Variants in DLEU7 observed in about 807,000 individuals in gnomAD.
The protein encoded by DLEU7 is leukemia-associated protein 7.
DLEU7 carries 17 observed loss-of-function variants against 16.0 expected under a neutral mutation model. That is an observed-to-expected ratio of 1.06 (90% CI 0.73 to 1.59). The LOEUF (loss-of-function observed/expected upper bound fraction) is 1.59, where lower values mean the gene tolerates loss of function less well. DLEU7 is among the 40% of genes most tolerant of loss of function. The pLI is 0.00. For synonymous variants in DLEU7, 113 were observed against 139.8 expected, an observed-to-expected ratio of 0.81 and a Z score of 1.35; for missense variants, 308 against 314.9, an observed-to-expected ratio of 0.98 and a Z score of 0.17.
At chr13:50,745,591 G>A (rs1463106926) in intron 1 of DLEU7, among the ~76,000 whole-genome samples, 2 of 152,146 alleles carry the variant, frequency 1.3e-5, no homozygotes, top group African/African-American at 2.4e-5. Context: ...ATACACATTT[G>A]TGGTTGTTCT....
At chr13:50,780,858 A>G (rs74078412) in intron 1 of DLEU7, among the ~76,000 whole-genome samples, 2,973 of 152,194 alleles carry the variant, frequency 0.02, 100 homozygotes, top group African/African-American at 0.067. Context: ...GGGAGTCAGT[A>G]AGTGTGATAT....
intron 1 of DLEU7, among the ~76,000 whole-genome samples, chr13:50,741,171 A>G (rs1448220166): frequency 6.6e-6 from 1 of 152,188 alleles, no homozygotes; most frequent in Non-Finnish European, 1.5e-5. Flanking sequence ...TTGTAGAATT[A>G]TTTTGTTTTC....
chr13:50,760,524 GCTAA>G (rs2137744514), intron 1 of DLEU7, among the ~76,000 whole-genome samples: 1 of 152,152 alleles, frequency 6.6e-6, no homozygotes, highest in Admixed American at 6.5e-5. Flanking sequence ...ACCAGGTCTG[GCTAA>G]CTTTTGTATT....
chr13:50,805,877 G>T (rs1023389027), intron 1 of DLEU7, among the ~76,000 whole-genome samples: 2 of 152,150 alleles, frequency 1.3e-5, no homozygotes, highest in Non-Finnish European at 2.9e-5. Flanking sequence ...ATGCCCATTT[G>T]TTTATTGTAC....
chr13:50,820,833 G>T (rs1156847643), downstream of DLEU7, among the ~76,000 whole-genome samples: 3 of 151,894 alleles, frequency 2.0e-5, no homozygotes, highest in African/African-American at 7.3e-5. Flanking sequence ...TAATTTTAGT[G>T]GTATATTTTA....
intron 1 of DLEU7, among the ~76,000 whole-genome samples, chr13:50,770,395 A>G (rs1196360620): frequency 2.6e-5 from 4 of 152,132 alleles, no homozygotes; most frequent in African/African-American, 4.8e-5. Context: ...TCAGTATGAT[A>G]TTGGCTGTGG....
At chr13:50,725,703 C>G (rs529490402) in intron 1 of DLEU7, among the ~76,000 whole-genome samples, 395 of 152,186 alleles carry the variant, frequency 2.6e-3, no homozygotes, top group African/African-American at 9.0e-3. Context: ...AAGGAGACGC[C>G]GTGTCCACCT....
At chr13:50,722,518 TCTG>T (rs1231230425) in intron 1 of DLEU7, among the ~76,000 whole-genome samples, 1 of 152,258 alleles carries the variant, frequency 6.6e-6, no homozygotes, top group Non-Finnish European at 1.5e-5. Flanking sequence ...GTATTATTTT[TCTG>T]CTTATTTACA....
At chr13:50,790,054 T>C (rs1000752973) in intron 1 of DLEU7, among the ~76,000 whole-genome samples, 3 of 151,128 alleles carry the variant, frequency 2.0e-5, no homozygotes, top group African/African-American at 7.3e-5. Flanking sequence ...TGCCTCAGCC[T>C]CCCAAGTAGC....
At position 50,843,520 on chromosome 13, in the gene DLEU7, G is replaced by T. The variant is rs117596350; in HGVS notation, c.127C>A (p.Pro43Thr). The change falls in exon 1 of 2, where the codon CCA becomes ACA. Residue 43 changes from proline (P) to threonine (T), a missense_variant. Coordinates refer to ENST00000504404, the MANE Select transcript of DLEU7 (RefSeq NM_001306135.2). This position sits in a 1 kb window ranked among gnomAD's most constrained non-coding sequence, Gnocchi z 5.7. ...GPVAPGNPRD[P>T]DHVSTAPARR... ...GCTGGAGCGGTGGACACGTGGTCTG[G>T]GTCCCGCGGGTTCCCGGGGGCGACT... 2.5e-5 allele frequency: 36 copies of T among 1,426,084 alleles called. No individual in the cohort carries two copies. The highest frequency in any genetic ancestry group is 6.9e-5 in the Admixed American group (2 of 28,842). The allele number at this position is 1,426,084 out of a possible 1,614,324, so 88.3% of individuals were successfully genotyped here.
chr13:50,713,147 T>C (rs1252768631), exon 2 of DLEU7: 1 of 1,570,356 alleles, frequency 6.4e-7, no homozygotes, highest in Non-Finnish European at 8.7e-7. Context: ...CCATCTGGCA[T>C]TCAGAATTTG....
downstream of DLEU7, among the ~76,000 whole-genome samples, chr13:50,819,155 T>C (rs186799401): frequency 1.0e-3 from 158 of 152,232 alleles, 1 homozygote; most frequent in African/African-American, 3.5e-3. Flanking sequence ...TAAAAGGGGA[T>C]GCTATTTTTG....
chr13:50,831,313 T>C (rs1479836148), intron 1 of DLEU7, among the ~76,000 whole-genome samples: 1 of 152,182 alleles, frequency 6.6e-6, no homozygotes, highest in African/African-American at 2.4e-5. Flanking sequence ...GTAAGCTTTT[T>C]GCAGAAGAGG....
intron 1 of DLEU7, among the ~76,000 whole-genome samples, chr13:50,734,495 C>G (rs1465049953): frequency 6.6e-6 from 1 of 152,138 alleles, no homozygotes; most frequent in Non-Finnish European, 1.5e-5. Flanking sequence ...ATACACCCAT[C>G]TCCCCAAAAA....
intron 1 of DLEU7, among the ~76,000 whole-genome samples, chr13:50,751,867 T>A (rs879244993): frequency 6.6e-6 from 1 of 151,918 alleles, no homozygotes; most frequent in African/African-American, 2.4e-5. Context: ...ATTTTATTTA[T>A]CTTTTCAAAG....
At position 50,755,527 on chromosome 13, in the gene DLEU7, A is replaced by G. The variant is rs563704816; in HGVS notation, c.460-42287T>C. Among the ~76,000 whole-genome samples, 21 of 144,530 alleles carry G rather than the reference A, an allele frequency of 1.5e-4. No individual in the cohort carries two copies. The East Asian group carries it at 2.6e-3, about 18-fold the overall frequency. The allele number at this position is 144,530 out of a possible 152,430, so 94.8% of individuals were successfully genotyped here. ...TTTTGTATTTCTATAAATGTGTCCA[A>G]TGTTTCCTGAAGTTTTTATTGCTTT... On this transcript the variant is annotated intron_variant, in intron 1 of 1. Transcript: ENST00000400393.
At position 50,761,962 on chromosome 13, in the gene DLEU7, G is replaced by T. The variant is rs552849421; in HGVS notation, c.460-48722C>A. On this transcript the variant is annotated intron_variant, in intron 1 of 1. Transcript: ENST00000400393. ...TCCCAGCACTTTGGGAGGCCGAGGT[G>T]GGTGGATCACAGGGTCAGGAGTTCA... 2.0e-5 allele frequency among the ~76,000 whole-genome samples: 3 copies of T among 152,004 alleles called. No individual in the cohort carries two copies. The East Asian group carries it at 5.8e-4, about 30-fold the overall frequency.
chr13:50,837,520 G>A (rs971307131), intron 1 of DLEU7, among the ~76,000 whole-genome samples: 2 of 152,124 alleles, frequency 1.3e-5, no homozygotes, highest in African/African-American at 4.8e-5. Context: ...GAGAATAACC[G>A]AAATTCTGTG....
chr13:50,841,191 A>G (rs1002113422), intron 1 of DLEU7, among the ~76,000 whole-genome samples: 3 of 152,042 alleles, frequency 2.0e-5, no homozygotes, highest in African/African-American at 7.2e-5. Flanking sequence ...CTCTGCTTGC[A>G]AGACAATCCA....
Sources: gnomAD v4.1 joint callset for allele counts (sites outside exome capture counted in the v4.1 genomes callset) on GRCh38, gnomAD v4.1.1 for gene constraint, Gnocchi (gnomAD v3.1) non-coding constraint, MANE v1.5 for transcripts, NCBI Gene and HGNC (gene_info 2026-07-23, HGNC 2026-07-21) for gene names.